PDE1A: variants seen among roughly 807,000 people sequenced by gnomAD.
PDE1A encodes phosphodiesterase 1A, also known as dual specificity calcium/calmodulin-dependent 3',5'-cyclic nucleotide phosphodiesterase 1A.
In PDE1A, 35 loss-of-function variants were observed where a neutral mutation model predicts 61.7. That is an observed-to-expected ratio of 0.57 (90% CI 0.43 to 0.75). The LOEUF (loss-of-function observed/expected upper bound fraction) is 0.75. Ranked by LOEUF, PDE1A falls within the 30% of genes least tolerant of loss-of-function variation. The probability of loss-of-function intolerance (pLI) is 0.00; values close to 1 mark genes in which losing one functional copy is unlikely to be tolerated. For missense variants in PDE1A, 597 were observed against 630.6 expected, an observed-to-expected ratio of 0.95 and a Z score of 0.57; for synonymous variants, 232 against 213.2, an observed-to-expected ratio of 1.09 and a Z score of -0.77.
exon 3 of PDE1A, chr2:182,240,196 T>A (rs767396053): frequency 1.2e-6 from 2 of 1,614,008 alleles, no homozygotes; most frequent in Non-Finnish European, 1.7e-6. Context: ...TCATCCCCAT[T>A]TTCCGTGTAA....
the PDE1A span, among the ~76,000 whole-genome samples, chr2:182,613,933 G>C: frequency 2.0e-5 from 3 of 152,134 alleles, no homozygotes; most frequent in African/African-American, 7.2e-5. Context: ...TTTTTGCAAA[G>C]CTGGGTTTTC....
intron 1 of PDE1A, among the ~76,000 whole-genome samples, chr2:182,305,907 C>A (rs1055363228): frequency 5.3e-5 from 8 of 152,092 alleles, no homozygotes; most frequent in African/African-American, 1.9e-4. Flanking sequence ...GAAATTTACT[C>A]TCTTAGCAAT....
the PDE1A span, among the ~76,000 whole-genome samples, chr2:182,662,027 T>C: frequency 3.3e-5 from 5 of 151,980 alleles, no homozygotes; most frequent in African/African-American, 1.2e-4. Flanking sequence ...AAAGGGCCAC[T>C]AATAGCCAAA....
chr2:182,415,567 T>A (rs10497600), intron 1 of PDE1A, among the ~76,000 whole-genome samples: 23,788 of 152,132 alleles, frequency 0.16, 2,275 homozygotes, highest in Middle Eastern at 0.29. Flanking sequence ...TATATTATGA[T>A]AGCAACAAAT....
At chr2:182,559,618 T>C in the PDE1A span, among the ~76,000 whole-genome samples, 1 of 152,164 alleles carries the variant, frequency 6.6e-6, no homozygotes, top group Non-Finnish European at 1.5e-5. Context: ...CCAGCAATTC[T>C]CTCCTACATA....
rs544058663 is a variant in PDE1A at position 182,244,306 on chromosome 2, A to C, written c.168-4014T>G. On this transcript the variant is annotated intron_variant, in intron 2 of 13. Coordinates refer to ENST00000351439, the Ensembl canonical transcript of PDE1A. Reference sequence around the variant, plus strand: ...TTCCATATCTATCATTTTTCCACTAAACTTTTTTTGAAAAATTAATGTCTT... The same window carrying C: ...TTCCATATCTATCATTTTTCCACTACACTTTTTTTGAAAAATTAATGTCTT... 1.8e-4 allele frequency among the ~76,000 whole-genome samples: 27 copies of C among 151,718 alleles called. 1 individual carries two copies. The South Asian group carries it at 5.6e-3, about 32-fold the overall frequency.
chr2:182,693,265 T>G, the PDE1A span, among the ~76,000 whole-genome samples: 1 of 152,206 alleles, frequency 6.6e-6, no homozygotes, highest in Non-Finnish European at 1.5e-5. Flanking sequence ...TCACTTATAT[T>G]CATTTAACTT....
chr2:182,303,142 C>G lies in PDE1A; in HGVS notation c.54-38728G>C, dbSNP rs78347967. 2.6e-3 allele frequency among the ~76,000 whole-genome samples: 389 copies of G among 152,256 alleles called. 4 individuals are homozygous for G. Among genetic ancestry groups the G allele is most frequent in the African/African-American group, 8.9e-3 (371 of 41,536 alleles). ...TATGTTTTGACTGCCTTTCAGGAAT[C>G]ATAAATGTCATCTAGAATGGTGAAT... On this transcript the variant is annotated intron_variant, in intron 1 of 13. Transcript: ENST00000351439.
At chr2:182,191,846 C>CTTTTTTTTT (rs142596612) in intron 10 of PDE1A, among the ~76,000 whole-genome samples, 1 of 146,066 alleles carries the variant, frequency 6.8e-6, no homozygotes. Flanking sequence ...GATTTACTTT[C>CTTTTTTTTT]TTTTTTTTTT....
At chr2:182,387,226 C>G (rs545945640) in intron 1 of PDE1A, among the ~76,000 whole-genome samples, 3 of 152,020 alleles carry the variant, frequency 2.0e-5, no homozygotes, top group South Asian at 2.1e-4. Context: ...GCAGCATACT[C>G]GTTAAGAGTC....
chr2:182,192,917 CT>C (rs1189292222), intron 10 of PDE1A, among the ~76,000 whole-genome samples: 1 of 152,056 alleles, frequency 6.6e-6, no homozygotes, highest in African/African-American at 2.4e-5. Flanking sequence ...CTAACAGCAC[CT>C]TTTTGTTGTT....
At chr2:182,523,905 C>T (rs141684832), upstream of PDE1A, among the ~76,000 whole-genome samples, 137 of 152,026 alleles carry the variant, frequency 9.0e-4, 1 homozygote, top group African/African-American at 3.1e-3. Context: ...ATAATGTGTA[C>T]GTAAAAAGGA....
the PDE1A span, among the ~76,000 whole-genome samples, chr2:182,668,143 C>T: frequency 6.6e-6 from 1 of 152,142 alleles, no homozygotes; most frequent in African/African-American, 2.4e-5. Flanking sequence ...AGTCCATGAT[C>T]AGAGAGCAGT....
chr2:182,626,839 A>ATATATATATACATATATATACATG, the PDE1A span, among the ~76,000 whole-genome samples: 3 of 27,178 alleles, frequency 1.1e-4, no homozygotes, highest in Non-Finnish European at 2.2e-4. Context: ...ATATATATAC[A>ATATATATATACATATATATACATG]TATATATACA....
intron 1 of PDE1A, among the ~76,000 whole-genome samples, chr2:182,295,358 C>G (rs1694816935): frequency 6.6e-6 from 1 of 152,094 alleles, no homozygotes. Flanking sequence ...GTAATCTTAT[C>G]CCTACTTTGT....
At chr2:182,627,494 T>G in the PDE1A span, among the ~76,000 whole-genome samples, 3 of 146,118 alleles carry the variant, frequency 2.1e-5, no homozygotes, top group Non-Finnish European at 4.5e-5. Flanking sequence ...TCAAGATTGC[T>G]CCAACAAATA....
intron 13 of PDE1A, among the ~76,000 whole-genome samples, 158 bp from the exon 14 acceptor site, chr2:182,147,310 T>G (rs1179829428): frequency 6.6e-6 from 1 of 152,222 alleles, no homozygotes; most frequent in Non-Finnish European, 1.5e-5. Context: ...CATCTTCCTT[T>G]CAGCCTGTGG....
chr2:182,364,614 C>T (rs1483884554), intron 1 of PDE1A, among the ~76,000 whole-genome samples: 2 of 151,298 alleles, frequency 1.3e-5, no homozygotes, highest in African/African-American at 2.4e-5. Flanking sequence ...CTCTCAACTT[C>T]CAATGCATCC....
the PDE1A span, among the ~76,000 whole-genome samples, chr2:182,575,395 T>A: frequency 1.3e-5 from 2 of 151,882 alleles, no homozygotes; most frequent in Non-Finnish European, 1.5e-5. Context: ...GACTTAAAGA[T>A]AGGAGGAGCC....
Sources: gnomAD v4.1 joint callset for allele counts (sites outside exome capture counted in the v4.1 genomes callset) on GRCh38, gnomAD v4.1.1 for gene constraint, MANE v1.5 for transcripts, NCBI Gene and HGNC (gene_info 2026-07-23, HGNC 2026-07-21) for gene names.